Variants in TLR10 observed in about 807,000 individuals in gnomAD.
TLR10 encodes toll like receptor 10, also known as toll-like receptor 10.
For synonymous variants in TLR10, 288 were observed against 338.8 expected, an observed-to-expected ratio of 0.85 and a Z score of 1.65; for missense variants, 929 against 932.9, an observed-to-expected ratio of 1.00 and a Z score of 0.05.
At chr4:38,776,659 T>A (rs1210248734) in intron 1 of TLR10, among the ~76,000 whole-genome samples, 1 of 152,200 alleles carries the variant, frequency 6.6e-6, no homozygotes, top group Non-Finnish European at 1.5e-5. Flanking sequence ...GTTGGAGTAC[T>A]AAGATTTTAC....
Position 38,775,052 on chromosome 4 carries a change from T to A in TLR10, c.539A>T (p.Tyr180Phe), listed in dbSNP as rs1299921743. 6.2e-7 allele frequency: 1 copy of A among 1,612,294 alleles called. No individual in the cohort carries two copies. The highest frequency in any genetic ancestry group is 8.5e-7 in the Non-Finnish European group (1 of 1,179,622). The change falls in exon 4 of 4, where the codon TAT (tyrosine) becomes TTT (phenylalanine). Residue 180 changes from tyrosine (Y) to phenylalanine (F), a missense_variant. Transcript: ENST00000308973. The part of the protein sequence containing the change: ...VFLGFRTLPH[Y>F]EEGSLPILNT... ...TAAGATGGGCAGGCTACCTTCTTCA[T>A]AATGAGGAAGAGTTCTGAATCCTAA...
chr4:38,773,828 A>G lies in TLR10; in HGVS notation c.1763T>C (p.Leu588Pro), dbSNP rs1172336444. ...LLIVTIVVIM[L>P]VLGLAVAFCC... ...GAAGGCCACAGCCAACCCCAGAACT[A>G]GCATAATAACCACAATGGTGACAAT... is the stretch of plus-strand genomic sequence containing the variant. Residue 588 changes from leucine (L) to proline (P), a missense_variant, in exon 4 of 4, where the codon CTA becomes CCA. Transcript: ENST00000308973. The G allele has an allele frequency of 9.4e-6, 15 of 1,587,504 alleles. No individual in the cohort carries two copies. The highest frequency in any genetic ancestry group is 1.2e-5 in the Non-Finnish European group (14 of 1,168,632).
intron 1 of TLR10, among the ~76,000 whole-genome samples, chr4:38,778,801 G>A (rs1725220096): frequency 6.6e-6 from 1 of 152,192 alleles, no homozygotes; most frequent in African/African-American, 2.4e-5. Context: ...TCAACAGAAA[G>A]AGGATGGGTT....
chr4:38,778,586 G>A (rs953086107), intron 1 of TLR10, among the ~76,000 whole-genome samples: 18 of 152,274 alleles, frequency 1.2e-4, no homozygotes, highest in African/African-American at 4.3e-4. Context: ...GAAGTGGAGA[G>A]AAGTGGTTAG....
Position 38,773,628 on chromosome 4 carries a change from T to A in TLR10, c.1963A>T (p.Asn655Tyr). The change falls in exon 4 of 4, where the codon AAT (asparagine) becomes TAT (tyrosine). Residue 655 changes from asparagine to tyrosine, a missense_variant. By Grantham distance (143) the Asn-to-Tyr change is moderately radical. Coordinates refer to ENST00000308973, the MANE Select transcript of TLR10 (RefSeq NM_030956.4). ...ATAGAACCATCTTCCTTCTCTAGAT[T>A]GGGGATCAATTCATTCTTCACCCAC... ...SLWVKNELIP[N>Y]LEKEDGSILI... is the part of the protein sequence containing the mutation. 5.6e-6 allele frequency: 9 copies of A among 1,602,886 alleles called. No individual in the cohort carries two copies. The highest frequency in any genetic ancestry group is 6.8e-6 in the Non-Finnish European group (8 of 1,174,778).
chr4:38,779,046 GA>G (rs2109319362), intron 1 of TLR10: 1 of 152,168 alleles, frequency 6.6e-6, no homozygotes, highest in South Asian at 2.1e-4. Flanking sequence ...AGAAATTCCA[GA>G]AAACCTATGG....
chr4:38,772,771 C>T lies in TLR10; in HGVS notation c.*384G>A. 1 of 153,310 alleles carries T rather than the reference C, an allele frequency of 6.5e-6. No individual in the cohort carries two copies. Among genetic ancestry groups the T allele is most frequent in the Non-Finnish European group, 1.5e-5 (1 of 68,884 alleles). The allele number at this position is 153,310 out of a possible 1,614,324, so 9.5% of individuals were successfully genotyped here. On this transcript the variant is annotated 3_prime_UTR_variant, in exon 4 of 4. Coordinates refer to ENST00000308973, the MANE Select transcript of TLR10 (RefSeq NM_030956.4). ...CCAAGTAGCTGGGACTACAGGCGTG[C>T]ACCATCACGCCCAGCTAATTTTTGT...
In TLR10 at chr4:38,774,726, G is replaced by A; in HGVS notation, c.865C>T (p.His289Tyr). Residue 289 changes from histidine (H) to tyrosine (Y), a missense_variant, in exon 4 of 4, where the codon CAC (histidine) becomes TAC (tyrosine). His to Tyr is a moderately conservative substitution (Grantham distance 83). Coordinates refer to ENST00000308973, the MANE Select transcript of TLR10 (RefSeq NM_030956.4). ...VTFGGKAYLDHNSFDYSNTVM... is the reference protein window; with the variant it reads ...VTFGGKAYLDYNSFDYSNTVM... ...GTATTTGAGTAGTCAAATGAATTGT[G>A]GTCAAGATAAGCCTTACCACCAAAA... The A allele has an allele frequency of 6.3e-7, 1 of 1,590,014 alleles. No individual in the cohort carries two copies. The highest frequency in any genetic ancestry group is 8.5e-7 in the Non-Finnish European group (1 of 1,171,568).
chr4:38,773,473 G>T lies in TLR10; in HGVS notation c.2118C>A (p.Cys706Ter). ...LSPNFVQNEW[C>*]HYEFYFAHHN... ...GGTGGGCAAAGTAGAATTCATAATG[G>T]CACCACTCATTCTGGACAAAGTTGG... Residue 706 changes from cysteine to a stop codon, truncating the protein, a stop_gained, in exon 4 of 4, where the codon TGC becomes TGA. Coordinates refer to ENST00000308973, the MANE Select transcript of TLR10 (RefSeq NM_030956.4). LOFTEE classifies it low-confidence loss of function (END_TRUNC). The T allele has an allele frequency of 6.2e-7, 1 of 1,612,022 alleles. No homozygotes were observed. The highest frequency in any genetic ancestry group is 8.5e-7 in the Non-Finnish European group (1 of 1,179,264).
intron 1 of TLR10, among the ~76,000 whole-genome samples, chr4:38,777,086 T>C (rs1167950939): frequency 1.3e-5 from 2 of 152,174 alleles, no homozygotes; most frequent in Non-Finnish European, 2.9e-5. Context: ...GAGCTACAGT[T>C]CAAGATGAGA....
chr4:38,774,819 C>T lies in TLR10; in HGVS notation c.772G>A (p.Asp258Asn), dbSNP rs746499472. ...LLNKVDLLWD[D>N]LFLILQFVWH... ...ACAAATTGTAAGATAAGGAAAAGGT[C>T]GTCCCAGAGTAAATCAACTTTATTA... Residue 258 changes from aspartate to asparagine, a missense_variant, in exon 4 of 4, where the codon GAC (aspartate) becomes AAC (asparagine). Transcript: ENST00000308973. 3.8e-6 allele frequency: 6 copies of T among 1,594,738 alleles called. No homozygotes were observed. Among genetic ancestry groups the T allele is most frequent in the Non-Finnish European group, 1.7e-6 (2 of 1,172,636 alleles).
Position 38,774,159 on chromosome 4 carries a change from G to T in TLR10, c.1432C>A (p.Leu478Ile). The change falls in exon 4 of 4, where the codon CTA (leucine) becomes ATA (isoleucine). Residue 478 changes from leucine (L) to isoleucine (I), a missense_variant. Leu to Ile is a conservative substitution (Grantham distance 5). Transcript: ENST00000308973. ...TGACTGCATCCAGGGAGATCAGTTAGAAAATTAAATGCAATATTTAGTTCT... is the reference window on the plus strand; with the variant it reads ...TGACTGCATCCAGGGAGATCAGTTATAAAATTAAATGCAATATTTAGTTCT... ...LRELNIAFNF[L>I]TDLPGCSHFS... The T allele has an allele frequency of 6.2e-7, 1 of 1,610,440 alleles. No homozygotes were observed. Among genetic ancestry groups the T allele is most frequent in the Admixed American group, 1.7e-5 (1 of 59,472 alleles).
At position 38,775,085 on chromosome 4, in the gene TLR10, G is replaced by C. The variant is rs373128623; in HGVS notation, c.506C>G (p.Thr169Ser). 6.8e-6 allele frequency: 11 copies of C among 1,612,778 alleles called. No homozygotes were observed. Among genetic ancestry groups the C allele is most frequent in the Non-Finnish European group, 9.3e-6 (11 of 1,180,002 alleles). ...AAGAGTTCTGAATCCTAAGAAGACA[G>C]TATTTAGATGCAGATGAGCAATTTT... ...FQKIAHLHLN[T>S]VFLGFRTLPH... The change falls in exon 4 of 4, where the codon ACT becomes AGT. Residue 169 changes from threonine (T) to serine (S), a missense_variant. Transcript: ENST00000308973.
Position 38,775,086 on chromosome 4 carries a change from T to A in TLR10, c.505A>T (p.Thr169Ser), listed in dbSNP as rs773757407. ...AGAGTTCTGAATCCTAAGAAGACAG[T>A]ATTTAGATGCAGATGAGCAATTTTC... Reference protein sequence around the residue: ...FQKIAHLHLNTVFLGFRTLPH... With the variant: ...FQKIAHLHLNSVFLGFRTLPH... Residue 169 changes from threonine (T) to serine (S), a missense_variant, in exon 4 of 4, where the codon ACT becomes TCT. Transcript: ENST00000308973. 6.2e-7 allele frequency: 1 copy of A among 1,613,054 alleles called. No homozygotes were observed. Among genetic ancestry groups the A allele is most frequent in the Non-Finnish European group, 8.5e-7 (1 of 1,180,004 alleles).
intron 1 of TLR10, among the ~76,000 whole-genome samples, chr4:38,777,328 G>T (rs934105178): frequency 1.3e-5 from 2 of 152,138 alleles, no homozygotes; most frequent in Admixed American, 1.3e-4. Flanking sequence ...CAAATTTAAA[G>T]ATCCTGATGT....
Position 38,773,785 on chromosome 4 carries a change from A to T in TLR10, c.1806T>A (p.Asp602Glu). The T allele has an allele frequency of 6.2e-7, 1 of 1,604,470 alleles. No homozygotes were observed. Among genetic ancestry groups the T allele is most frequent in the Non-Finnish European group, 8.5e-7 (1 of 1,176,098 alleles). Residue 602 changes from aspartate to glutamate, a missense_variant, in exon 4 of 4, where the codon GAT (aspartate) becomes GAA (glutamate). Coordinates refer to ENST00000308973, the MANE Select transcript of TLR10 (RefSeq NM_030956.4). ...LAVAFCCLHF[D>E]LPWYLRMLGQ... ...CTAGCATCCTGAGATACCAGGGCAGATCAAAGTGGAGACAGCAGAAGGCCA... is the reference window on the plus strand; with the variant it reads ...CTAGCATCCTGAGATACCAGGGCAGTTCAAAGTGGAGACAGCAGAAGGCCA...
At position 38,773,888 on chromosome 4, in the gene TLR10, T is replaced by A; in HGVS notation, c.1703A>T (p.His568Leu). ...TGTGTTGCAAGATAATTCGTGGAGA[T>A]GAACGTCTTTTAACCTAGTTCCCCT... ...NLRGTRLKDV[H>L]LHELSCNTAL... Residue 568 changes from histidine to leucine, a missense_variant, in exon 4 of 4, where the codon CAT becomes CTT. Transcript: ENST00000308973. The A allele has an allele frequency of 6.3e-7, 1 of 1,593,430 alleles. No individual in the cohort carries two copies.
intron 1 of TLR10, among the ~76,000 whole-genome samples, chr4:38,778,366 G>A (rs890540378): frequency 2.6e-5 from 4 of 152,078 alleles, no homozygotes; most frequent in African/African-American, 9.7e-5. Context: ...AACCACCATG[G>A]CATGTGTATA....
chr4:38,775,141 A>T lies in TLR10; in HGVS notation c.450T>A (p.Ser150Arg). ...AATCTGATTTTTGTATTTTTGCCCC[A>T]CTCAAACCTAGGATTTCCAGGTGTG... ...NMSHLEILGL[S>R]GAKIQKSDFQ... Residue 150 changes from serine (S) to arginine (R), a missense_variant, in exon 4 of 4, where the codon AGT becomes AGA. Physicochemically the swap from Ser to Arg is moderately radical, Grantham distance 110. Coordinates refer to ENST00000308973, the MANE Select transcript of TLR10 (RefSeq NM_030956.4). The T allele has an allele frequency of 6.2e-7, 1 of 1,613,792 alleles. No individual in the cohort carries two copies.
Sources: allele counts gnomAD v4.1 joint callset (sites outside exome capture counted in the v4.1 genomes callset), GRCh38; gene constraint gnomAD v4.1.1; transcripts MANE v1.5; gene names NCBI Gene and HGNC (gene_info 2026-07-23, HGNC 2026-07-21).